NCAM1: variants seen among roughly 807,000 people sequenced by gnomAD.
NCAM1 encodes antigen recognized by monoclonal antibody 5.1H11.
A neutral mutation model predicts 109.8 loss-of-function variants in NCAM1; 14 were observed. That is an observed-to-expected ratio of 0.13 (90% CI 0.08 to 0.20). NCAM1 has a LOEUF of 0.20. Ranked by LOEUF, NCAM1 falls within the 10% of genes least tolerant of loss-of-function variation. The probability of loss-of-function intolerance (pLI) is 1.00; values close to 1 mark genes in which losing one functional copy is unlikely to be tolerated. For missense variants in NCAM1, 774 were observed against 1,109.9 expected (o/e 0.70, Z 4.30); for synonymous variants, 418 against 442.9 (o/e 0.94, Z 0.70).
intron 1 of NCAM1, among the ~76,000 whole-genome samples, chr11:113,157,938 G>A (rs1034839351): frequency 6.6e-5 from 10 of 151,968 alleles, no homozygotes; most frequent in South Asian, 2.1e-4. Context: ...TTTAATAGCC[G>A]TCAAAGGTAA....
At chr11:113,152,088 A>T (rs1235852276) in intron 1 of NCAM1, among the ~76,000 whole-genome samples, 2 of 152,170 alleles carry the variant, frequency 1.3e-5, no homozygotes, top group African/African-American at 4.8e-5. Context: ...AAATGGTTGA[A>T]AGCATCCAAA....
At chr11:113,070,200 G>A (rs932374816) in intron 1 of NCAM1, among the ~76,000 whole-genome samples, 10 of 152,090 alleles carry the variant, frequency 6.6e-5, no homozygotes, top group African/African-American at 9.7e-5. Flanking sequence ...GCTGAATGAC[G>A]TGATTATGCT....
chr11:113,153,339 C>T (rs1942297644), intron 1 of NCAM1, among the ~76,000 whole-genome samples: 1 of 152,086 alleles, frequency 6.6e-6, no homozygotes, highest in Non-Finnish European at 1.5e-5. Flanking sequence ...CCACGGTCAG[C>T]AGCAATGTCT....
chr11:113,049,437 C>T (rs1953387795), intron 1 of NCAM1, among the ~76,000 whole-genome samples: 1 of 152,138 alleles, frequency 6.6e-6, no homozygotes, highest in Non-Finnish European at 1.5e-5. Flanking sequence ...GTGTCATCAG[C>T]TATCTTGCAG....
chr11:113,011,284 A>C (rs1952045198), intron 1 of NCAM1, among the ~76,000 whole-genome samples: 1 of 148,080 alleles, frequency 6.8e-6, no homozygotes, highest in Non-Finnish European at 1.5e-5. Flanking sequence ...CCTACAAAGG[A>C]CATGAACTCA....
At chr11:112,989,170 G>T (rs782604337) in intron 1 of NCAM1, among the ~76,000 whole-genome samples, 4 of 152,134 alleles carry the variant, frequency 2.6e-5, no homozygotes, top group African/African-American at 4.8e-5. Flanking sequence ...GTGGAGTTTT[G>T]AGATGATTTC....
At chr11:113,231,105 C>T in intron 9 of NCAM1, 1 of 1,251,164 alleles carries the variant, frequency 8.0e-7, no homozygotes, top group Non-Finnish European at 1.1e-6. Context: ...GTGATTATTT[C>T]ACTTTTAAAC....
chr11:112,970,783 A>C (rs1950857739), intron 1 of NCAM1, among the ~76,000 whole-genome samples: 1 of 152,176 alleles, frequency 6.6e-6, no homozygotes, highest in Admixed American at 6.5e-5. Flanking sequence ...CAACTATGAT[A>C]TATTTTCTAA....
At chr11:113,071,452 G>T (rs1938258639) in intron 1 of NCAM1, among the ~76,000 whole-genome samples, 1 of 137,932 alleles carries the variant, frequency 7.2e-6, no homozygotes, top group Admixed American at 7.8e-5. Flanking sequence ...TTGATACGGA[G>T]TCTCGCTTTA....
At chr11:113,186,700 C>T (rs1943518756) in intron 1 of NCAM1, among the ~76,000 whole-genome samples, 1 of 152,170 alleles carries the variant, frequency 6.6e-6, no homozygotes, top group Admixed American at 6.5e-5. Context: ...CATTTTGAAG[C>T]TTACAAAGGG....
intron 1 of NCAM1, among the ~76,000 whole-genome samples, chr11:113,181,855 A>T (rs1943345458): frequency 6.6e-6 from 1 of 152,120 alleles, no homozygotes; most frequent in Non-Finnish European, 1.5e-5. Context: ...GCTATTTTTG[A>T]CATACAAGCC....
chr11:113,186,940 A>G (rs1249890615), intron 1 of NCAM1, among the ~76,000 whole-genome samples: 1 of 152,238 alleles, frequency 6.6e-6, no homozygotes, highest in Admixed American at 6.5e-5. Flanking sequence ...GACATGAGTG[A>G]CACTCACTAA....
chr11:113,122,538 C>T (rs1359173300), intron 1 of NCAM1, among the ~76,000 whole-genome samples: 1 of 152,164 alleles, frequency 6.6e-6, no homozygotes, highest in South Asian at 2.1e-4. Flanking sequence ...AATCCCAGCA[C>T]TTTGGGAGGC....
intron 1 of NCAM1, among the ~76,000 whole-genome samples, chr11:113,101,097 G>C (rs1299433342): frequency 6.6e-6 from 1 of 151,522 alleles, no homozygotes; most frequent in Non-Finnish European, 1.5e-5. Context: ...ATGCCTGGAG[G>C]AGTAGCACTG....
chr11:113,069,633 G>C (rs1282819942), intron 1 of NCAM1, among the ~76,000 whole-genome samples: 1 of 152,160 alleles, frequency 6.6e-6, no homozygotes, highest in South Asian at 2.1e-4. Context: ...GCAGGTGCAA[G>C]TTTTTAAAAA....
chr11:113,209,188 G>T (rs931573577), intron 7 of NCAM1, among the ~76,000 whole-genome samples: 1 of 152,200 alleles, frequency 6.6e-6, no homozygotes, highest in East Asian at 1.9e-4. Flanking sequence ...GAGCCCCCAG[G>T]TCATTAAAAT....
intron 1 of NCAM1, among the ~76,000 whole-genome samples, chr11:113,066,404 A>C (rs1484926132): frequency 1.3e-5 from 2 of 152,182 alleles, no homozygotes; most frequent in East Asian, 3.9e-4. Flanking sequence ...TTTGACTATT[A>C]AATTAGGTTA....
intron 1 of NCAM1, among the ~76,000 whole-genome samples, chr11:113,048,645 T>C (rs1555081246): frequency 6.6e-6 from 1 of 152,220 alleles, no homozygotes; most frequent in Non-Finnish European, 1.5e-5. Flanking sequence ...TTAATTTTTC[T>C]CATCTGTAAG....
intron 14 of NCAM1, among the ~76,000 whole-genome samples, chr11:113,242,593 G>A (rs1455539020): frequency 6.6e-6 from 1 of 152,140 alleles, no homozygotes; most frequent in African/African-American, 2.4e-5. Flanking sequence ...CTGAGTGACA[G>A]AGCAAGACTC....
Sources: allele counts gnomAD v4.1 joint callset (sites outside exome capture counted in the v4.1 genomes callset), GRCh38; gene constraint gnomAD v4.1.1; transcripts MANE v1.5; gene names NCBI Gene and HGNC (gene_info 2026-07-23, HGNC 2026-07-21).